PDS5A: variants seen among roughly 807,000 people sequenced by gnomAD.
PDS5A encodes PDS5 cohesin associated factor A, also known as sister chromatid cohesion protein PDS5 homolog A.
In PDS5A, 42 loss-of-function variants were observed where a neutral mutation model predicts 167.1. That is an observed-to-expected ratio of 0.25 (90% CI 0.20 to 0.33). The LOEUF is 0.33. Ranked by LOEUF, PDS5A falls within the 10% of genes least tolerant of loss-of-function variation. The pLI, the probability that PDS5A is intolerant of heterozygous loss-of-function variation, is 1.00. For missense variants in PDS5A, 1,033 were observed against 1,605.9 expected, an observed-to-expected ratio of 0.64 and a Z score of 6.10; for synonymous variants, 553 against 554.6, an observed-to-expected ratio of 1.00 and a Z score of 0.04.
Position 39,842,907 on chromosome 4 carries a change from T to TA in PDS5A, c.3549-852_3549-851insT, listed in dbSNP as rs1560419555. On this transcript the variant is annotated intron_variant, in intron 30 of 32. Transcript: ENST00000303538. ...TTAGAACAATGTAAACTTATCCTATTTTTATATATATATATATATATATAT... is the reference window on the plus strand; with the variant it reads ...TTAGAACAATGTAAACTTATCCTATTATTTATATATATATATATATATATAT... Among the ~76,000 whole-genome samples, 77 of 28,434 alleles carry TA rather than the reference T, an allele frequency of 2.7e-3. 5 individuals carry two copies. Among genetic ancestry groups the TA allele is most frequent in the South Asian group, 0.013 (13 of 998 alleles). 18.7% of individuals were successfully genotyped at this position (28,434 alleles called of 152,430 possible).
chr4:39,922,873 A>C (rs1469202357), intron 5 of PDS5A, 125 bp from the exon 6 acceptor site: 2 of 1,163,758 alleles, frequency 1.7e-6, no homozygotes, highest in Non-Finnish European at 2.2e-6. Flanking sequence ...TTTTCACTTG[A>C]GGGACAGTGC....
intron 16 of PDS5A, among the ~76,000 whole-genome samples, chr4:39,893,670 C>T (rs912644955): frequency 1.3e-5 from 2 of 152,102 alleles, no homozygotes. Flanking sequence ...TATTCAGTAG[C>T]CCATAGGGGA....
chr4:39,913,824 G>A, intron 8 of PDS5A, 98 bp from the exon 9 acceptor site: 3 of 724,308 alleles, frequency 4.1e-6, no homozygotes, highest in South Asian at 3.0e-5. Flanking sequence ...TCATATTTCT[G>A]CTTATAACTG....
intron 26 of PDS5A, among the ~76,000 whole-genome samples, chr4:39,861,079 A>G (rs1400446986): frequency 6.6e-6 from 1 of 151,548 alleles, no homozygotes; most frequent in Non-Finnish European, 1.5e-5. Flanking sequence ...AAAAAAAAAA[A>G]ATAGAATAAA....
intron 5 of PDS5A, among the ~76,000 whole-genome samples, chr4:39,924,008 A>G (rs1725246817): frequency 6.6e-6 from 1 of 152,184 alleles, no homozygotes; most frequent in Admixed American, 6.5e-5. Context: ...AAGAATTTCA[A>G]ACAGACAAAT....
chr4:39,955,164 C>A (rs76961253), intron 2 of PDS5A, among the ~76,000 whole-genome samples: 380 of 152,210 alleles, frequency 2.5e-3, no homozygotes, highest in African/African-American at 8.7e-3. Flanking sequence ...TATTAAAGGA[C>A]AATATGCTAA....
intron 17 of PDS5A, among the ~76,000 whole-genome samples, chr4:39,887,316 ATAAAG>A (rs1299852467): frequency 6.6e-6 from 1 of 152,224 alleles, no homozygotes; most frequent in Non-Finnish European, 1.5e-5. Flanking sequence ...GGTATTTATC[ATAAAG>A]TAATGTTGAA....
intron 16 of PDS5A, among the ~76,000 whole-genome samples, chr4:39,896,633 G>C (rs943449023): frequency 6.6e-6 from 1 of 151,934 alleles, no homozygotes; most frequent in South Asian, 2.1e-4. Context: ...GGGCATGGTG[G>C]CATGTGCCTA....
At chr4:39,922,571 T>C in intron 6 of PDS5A, 51 bp downstream of exon 6, 2 of 1,430,390 alleles carry the variant, frequency 1.4e-6, no homozygotes, top group Non-Finnish European at 9.3e-7. Flanking sequence ...CATTCTTATG[T>C]GTGGCGTGAC....
chr4:39,866,782 T>C (rs1479269510), intron 23 of PDS5A, 79 bp downstream of exon 23: 9 of 1,249,552 alleles, frequency 7.2e-6, no homozygotes, highest in Non-Finnish European at 1.0e-5. Context: ...CCATTCAGTA[T>C]TCATTAGGTA....
intron 16 of PDS5A, among the ~76,000 whole-genome samples, chr4:39,897,309 C>A (rs1285516161): frequency 2.0e-5 from 3 of 152,134 alleles, no homozygotes; most frequent in Non-Finnish European, 4.4e-5. Context: ...GCACAAGAAT[C>A]GTCTGAACCC....
At chr4:39,893,608 A>C (rs990056640) in intron 16 of PDS5A, among the ~76,000 whole-genome samples, 13 of 152,318 alleles carry the variant, frequency 8.5e-5, no homozygotes, top group African/African-American at 2.2e-4. Flanking sequence ...ATTTTTCTTT[A>C]TTCTTCTACA....
rs1236272418 is a variant in PDS5A, at chr4:39,874,427, A to G, written c.2154-15T>C. The G allele has an allele frequency of 4.4e-6, 7 of 1,606,784 alleles. No homozygotes were observed. The highest frequency in any genetic ancestry group is 6.0e-6 in the Non-Finnish European group (7 of 1,175,058). Reference sequence around the variant, plus strand: ...GAATTAAGGTCCTGCAAAAAATAATATAGTTGTTTTTTTTTCTTAAACCCA... The same window carrying G: ...GAATTAAGGTCCTGCAAAAAATAATGTAGTTGTTTTTTTTTCTTAAACCCA... On this transcript the variant is annotated splice_polypyrimidine_tract_variant and intron_variant, in intron 19 of 32. Coordinates refer to ENST00000303538, the MANE Select transcript of PDS5A (RefSeq NM_001100399.2).
intron 32 of PDS5A, among the ~76,000 whole-genome samples, chr4:39,832,215 C>T (rs1715964196): frequency 6.6e-6 from 1 of 151,454 alleles, no homozygotes. Flanking sequence ...GCATGGATTT[C>T]AATTATTTTT....
rs140024263 is a variant in PDS5A at position 39,871,747 on chromosome 4, A to G, written c.2436+1239T>C. ...TGAGACAGTCTTGCTCTTGTCGCCTAGGCTGGAGTGCAATGGTGCAATCTT... is the reference window on the plus strand; with the variant it reads ...TGAGACAGTCTTGCTCTTGTCGCCTGGGCTGGAGTGCAATGGTGCAATCTT... On this transcript the variant is annotated intron_variant, in intron 21 of 32. Transcript: ENST00000303538. 3.0e-3 allele frequency among the ~76,000 whole-genome samples: 450 copies of G among 152,296 alleles called. 3 individuals are homozygous for G. Among genetic ancestry groups the G allele is most frequent in the African/African-American group, 0.01 (435 of 41,560 alleles).
chr4:39,855,574 A>G (rs1353924540), intron 26 of PDS5A, among the ~76,000 whole-genome samples: 2 of 152,218 alleles, frequency 1.3e-5, no homozygotes, highest in African/African-American at 4.8e-5. Context: ...AATATGCTCA[A>G]TGAGATAAAA....
chr4:39,920,710 C>T (rs889983095), intron 6 of PDS5A, among the ~76,000 whole-genome samples: 17 of 152,196 alleles, frequency 1.1e-4, no homozygotes, highest in Non-Finnish European at 2.2e-4. Flanking sequence ...TTGGTTTTAT[C>T]TGTTAACCAA....
At chr4:39,883,408 T>A (rs1049278235) in intron 17 of PDS5A, among the ~76,000 whole-genome samples, 13 of 152,218 alleles carry the variant, frequency 8.5e-5, no homozygotes, top group African/African-American at 2.7e-4. Flanking sequence ...CTTGAACTCC[T>A]GACCGCAGGT....
intron 2 of PDS5A, among the ~76,000 whole-genome samples, chr4:39,937,668 C>T (rs556848207): frequency 3.5e-4 from 53 of 152,300 alleles, no homozygotes; most frequent in African/African-American, 1.2e-3. Flanking sequence ...ATTCTCCTGC[C>T]TTGACTTCCC....
Sources: gnomAD v4.1 joint callset for allele counts (sites outside exome capture counted in the v4.1 genomes callset) on GRCh38, gnomAD v4.1.1 for gene constraint, MANE v1.5 for transcripts, NCBI Gene and HGNC (gene_info 2026-07-23, HGNC 2026-07-21) for gene names.